DYNC1H1: variants seen among roughly 807,000 people sequenced by gnomAD.
DYNC1H1 encodes cytoplasmic dynein 1 heavy chain 1.
Under a neutral mutation model 527.1 loss-of-function variants are expected in DYNC1H1, and 51 were observed. That is an observed-to-expected ratio of 0.10 (90% CI 0.08 to 0.12). The LOEUF is 0.12. Ranked by LOEUF, DYNC1H1 falls within the 10% of genes least tolerant of loss-of-function variation. The probability of loss-of-function intolerance (pLI) is 1.00; values close to 1 mark genes in which losing one functional copy is unlikely to be tolerated. For synonymous variants in DYNC1H1, 2,189 were observed against 2,278.8 expected, an observed-to-expected ratio of 0.96 and a Z score of 1.12; for missense variants, 2,771 against 5,971.8, an observed-to-expected ratio of 0.46 and a Z score of 17.66.
At chr14:102,023,522 C>T (rs2048412851) in intron 43 of DYNC1H1, 1 of 163,084 alleles carries the variant, frequency 6.1e-6, no homozygotes, top group Non-Finnish European at 1.3e-5. Flanking sequence ...GCACTGCAGC[C>T]TCAGCAACAA....
At chr14:102,026,256 C>T (rs917661627) in intron 43 of DYNC1H1, among the ~76,000 whole-genome samples, 11 of 152,124 alleles carry the variant, frequency 7.2e-5, no homozygotes, top group African/African-American at 2.7e-4. Context: ...ACTGGGATTA[C>T]ATTGAACTTA....
rs952994047 is a variant in DYNC1H1 at position 102,053,751 on chromosome 14, G to GTTTTTTTTTTTT, written c.*3192_*3203dup. On this transcript the variant is annotated 3_prime_UTR_variant, in exon 78 of 78. Coordinates refer to ENST00000360184, the MANE Select transcript of DYNC1H1 (RefSeq NM_001376.5). Reference sequence around the variant, plus strand: ...GCCACCACACTCGGCCTCTTTGTTTGTTTTTTTTTTTTTTTGAGACAGTCT... The same window carrying GTTTTTTTTTTTT: ...GCCACCACACTCGGCCTCTTTGTTTGTTTTTTTTTTTTTTTTTTTTTTTTTTTGAGACAGTCT... 1.7e-5 allele frequency: 2 copies of GTTTTTTTTTTTT among 118,202 alleles called. No individual in the cohort carries two copies. Among genetic ancestry groups the GTTTTTTTTTTTT allele is most frequent in the African/African-American group, 6.9e-5 (2 of 29,016 alleles). 7.3% of individuals were successfully genotyped at this position (118,202 alleles called of 1,614,324 possible). A position where few individuals can be genotyped will look rare whatever the true frequency, so the allele number is the denominator to read the frequency against.
At position 101,986,665 on chromosome 14, in the gene DYNC1H1, G is replaced by T; in HGVS notation, c.2440G>T (p.Ala814Ser). The change falls in exon 8 of 78, where the codon GCC becomes TCC. Residue 814 changes from alanine (A) to serine (S), a missense_variant. Ala to Ser is a moderately conservative substitution (Grantham distance 99). Around this residue, in one of 32 missense-constraint regions of DYNC1H1, gnomAD observed 24 missense variants for 19.0 expected, o/e 1.26. Transcript: ENST00000360184. This position sits in a 1 kb window ranked among gnomAD's most constrained non-coding sequence, Gnocchi z 8.7. The stretch of plus-strand genomic sequence containing the variant: ...GGCTGGCTTGAAAAAGGAAGTGCAG[G>T]CCCTGATCGCAGAAGGCATTGCGTT... ...LVAGLKKEVQ[A>S]LIAEGIALVW... The T allele has an allele frequency of 1.9e-6, 3 of 1,613,942 alleles. No individual in the cohort carries two copies. Among genetic ancestry groups the T allele is most frequent in the Non-Finnish European group, 2.5e-6 (3 of 1,179,832 alleles).
chr14:101,997,305 C>A lies in DYNC1H1; in HGVS notation c.3804+31C>A, dbSNP rs369636480. ...TCCCGCCAGGTGGGGACGCAGGAGA[C>A]TCCTCACCCAGCAGTGTGATTTGGT... On this transcript the variant is annotated intron_variant, in intron 16 of 77. Transcript: ENST00000360184. The surrounding 1 kb of genome is among the most constrained non-coding windows in gnomAD (Gnocchi z 4.8). 3.2e-5 allele frequency: 51 copies of A among 1,613,790 alleles called. No homozygotes were observed. Among genetic ancestry groups the A allele is most frequent in the Non-Finnish European group, 4.1e-5 (48 of 1,179,990 alleles).
At chr14:102,030,049 G>A in intron 50 of DYNC1H1, 111 bp downstream of exon 50, 13 of 1,553,850 alleles carry the variant, frequency 8.4e-6, no homozygotes, top group Non-Finnish European at 1.1e-5. Context: ...AGGGAGGGAG[G>A]GAGAGAGAGT....
chr14:102,007,190 A>C, intron 28 of DYNC1H1, 82 bp downstream of exon 28: 2 of 1,441,290 alleles, frequency 1.4e-6, no homozygotes, highest in Non-Finnish European at 1.9e-6. Context: ...TACCTCTCTC[A>C]AAGCCATTGG....
Position 102,038,348 on chromosome 14 carries a change from C to T in DYNC1H1, c.10909-112C>T, listed in dbSNP as rs1156673407. Reference sequence around the variant, plus strand: ...GCTAGTGGCCACCACACGCAAGTGGCGGGTGGCTTTTGGGAAGGTATGCTT... The same window carrying T: ...GCTAGTGGCCACCACACGCAAGTGGTGGGTGGCTTTTGGGAAGGTATGCTT... On this transcript the variant is annotated intron_variant, in intron 57 of 77. Transcript: ENST00000360184. This position sits in a 1 kb window ranked among gnomAD's most constrained non-coding sequence, Gnocchi z 7.2. 1.3e-5 allele frequency: 20 copies of T among 1,515,016 alleles called. No individual in the cohort carries two copies. The highest frequency in any genetic ancestry group is 2.4e-5 in the South Asian group (2 of 84,176). 93.8% of individuals were successfully genotyped at this position (1,515,016 alleles called of 1,614,324 possible). A position where few individuals can be genotyped will look rare whatever the true frequency, so the allele number is the denominator to read the frequency against.
In DYNC1H1 at chr14:102,055,658, G is replaced by A. The variant is rs1431390505; in HGVS notation, c.*5095G>A. The A allele has an allele frequency of 6.6e-6, 1 of 152,626 alleles. No individual in the cohort carries two copies. Among genetic ancestry groups the A allele is most frequent in the African/African-American group, 2.4e-5 (1 of 41,430 alleles). The allele number at this position is 152,626 out of a possible 1,614,324, so 9.5% of individuals were successfully genotyped here. On this transcript the variant is annotated 3_prime_UTR_variant, in exon 78 of 78. Coordinates refer to ENST00000360184, the MANE Select transcript of DYNC1H1 (RefSeq NM_001376.5). The stretch of plus-strand genomic sequence containing the variant: ...GGTTCTTCCGATTCCACCTGTCCAA[G>A]GTAAAACCCTGAGGTTGTCCCTCCT...
At chr14:101,981,857 A>G (rs183580552) in intron 5 of DYNC1H1, among the ~76,000 whole-genome samples, 19 of 152,354 alleles carry the variant, frequency 1.2e-4, no homozygotes, top group Admixed American at 3.9e-4. Context: ...AGTTAGTAAT[A>G]TGTTCACCTA....
chr14:102,010,679 GA>G lies in DYNC1H1; in HGVS notation c.6406-60del. The G allele has an allele frequency of 6.2e-7, 1 of 1,601,220 alleles. No homozygotes were observed. The highest frequency in any genetic ancestry group is 8.5e-7 in the Non-Finnish European group (1 of 1,170,796). On this transcript the variant is annotated intron_variant, in intron 31 of 77. Coordinates refer to ENST00000360184, the MANE Select transcript of DYNC1H1 (RefSeq NM_001376.5). This position sits in a 1 kb window ranked among gnomAD's most constrained non-coding sequence, Gnocchi z 6.0. ...AGTTACTGATCACGCACCTCCTGGG[GA>G]TGCAGCGGGCAGTACTTGAGCCATG...
intron 28 of DYNC1H1, 135 bp downstream of exon 28, chr14:102,007,243 A>AG (rs1289233012): frequency 2.4e-6 from 2 of 819,258 alleles, no homozygotes; most frequent in Non-Finnish European, 4.1e-6. Context: ...TGAGTCCTGT[A>AG]GTAGGGATAG....
chr14:101,978,471 C>A (rs962242945), intron 2 of DYNC1H1, among the ~76,000 whole-genome samples: 19 of 152,024 alleles, frequency 1.2e-4, no homozygotes, highest in African/African-American at 4.6e-4. Context: ...CCATGCCTGG[C>A]GTATGAAGTA....
chr14:102,042,486 C>T lies in DYNC1H1; in HGVS notation c.12378C>T (p.Leu4126=), dbSNP rs1162360500. ...CGCATGCCTGCTTCCGACTCTTCCT[C>T]ACCATGGAGATCAACCCCAAGGTGG... ...LQPHACFRLF[L]TMEINPKVPV... Residue 4126 remains leucine, a synonymous_variant, in exon 68 of 78, where the codon CTC becomes CTT. Coordinates refer to ENST00000360184, the MANE Select transcript of DYNC1H1 (RefSeq NM_001376.5). This position sits in a 1 kb window ranked among gnomAD's most constrained non-coding sequence, Gnocchi z 5.7. 1.9e-6 allele frequency: 3 copies of T among 1,614,030 alleles called. No individual in the cohort carries two copies. The highest frequency in any genetic ancestry group is 2.5e-6 in the Non-Finnish European group (3 of 1,180,038).
rs150172431 is a variant in DYNC1H1, at chr14:102,047,947, A to T, written c.13137A>T (p.Thr4379=). Reference sequence around the variant, plus strand: ...ACGGGCGCCCTGCCTGGATGCGGACACTGCACACCACCGCGTCCAACTGGC... The same window carrying T: ...ACGGGCGCCCTGCCTGGATGCGGACTCTGCACACCACCGCGTCCAACTGGC... ...TSDGRPAWMR[T]LHTTASNWLH... Residue 4379 remains threonine (T), a synonymous_variant, in exon 73 of 78, where the codon ACA becomes ACT. Transcript: ENST00000360184. 20 of 1,613,184 alleles carry T rather than the reference A, an allele frequency of 1.2e-5. No homozygotes were observed. The highest frequency in any genetic ancestry group is 1.7e-5 in the Non-Finnish European group (20 of 1,180,006).
rs902073973 is a variant in DYNC1H1 at position 102,016,677 on chromosome 14, T to G, written c.7615-89T>G. 1.9e-6 allele frequency: 3 copies of G among 1,548,886 alleles called. No individual in the cohort carries two copies. In the African/African-American group the frequency reaches 4.1e-5, roughly 21 times the overall value. On this transcript the variant is annotated intron_variant, in intron 37 of 77. Coordinates refer to ENST00000360184, the MANE Select transcript of DYNC1H1 (RefSeq NM_001376.5). The surrounding 1 kb of genome is among the most constrained non-coding windows in gnomAD (Gnocchi z 7.3). ...AACCTGACCAATTACTTCCTTGTTC[T>G]GAAAGTTCAAGTTTGTGTTCAGGTA...
In DYNC1H1 at chr14:102,010,428, G is replaced by A; in HGVS notation, c.6374G>A (p.Gly2125Glu). ...KEERGEAVDEGEIAENLPEQE... is the reference protein window; with the variant it reads ...KEERGEAVDEEEIAENLPEQE... ...GAACGAGGGGAAGCAGTTGATGAAG[G>A]AGAAATTGCTGAAAATCTCCCTGAA... Residue 2125 changes from glycine to glutamate, a missense_variant, in exon 31 of 78, where the codon GGA (glycine) becomes GAA (glutamate). Around this residue, in one of 32 missense-constraint regions of DYNC1H1, gnomAD observed 56 missense variants for 140.6 expected, o/e 0.40. Coordinates refer to ENST00000360184, the MANE Select transcript of DYNC1H1 (RefSeq NM_001376.5). The surrounding 1 kb of genome is among the most constrained non-coding windows in gnomAD (Gnocchi z 6.0). 1 of 1,614,122 alleles carries A rather than the reference G, an allele frequency of 6.2e-7. No homozygotes were observed. The highest frequency in any genetic ancestry group is 8.5e-7 in the Non-Finnish European group (1 of 1,179,992).
At chr14:102,040,498 ATGT>A in intron 63 of DYNC1H1, 88 bp downstream of exon 63, 2 of 1,612,568 alleles carry the variant, frequency 1.2e-6, no homozygotes, top group Non-Finnish European at 1.7e-6. Context: ...AAAACCCAGA[ATGT>A]TGTGTCTGCG....
chr14:102,050,776 T>TA lies in DYNC1H1; in HGVS notation c.*217dup, dbSNP rs1236719743. The TA allele has an allele frequency of 3.3e-5, 22 of 657,046 alleles. No individual in the cohort carries two copies. The African/African-American group carries it at 3.6e-4, about 11-fold the overall frequency. The allele number at this position is 657,046 out of a possible 1,614,324, so 40.7% of individuals were successfully genotyped here. On this transcript the variant is annotated 3_prime_UTR_variant, in exon 78 of 78. Coordinates refer to ENST00000360184, the MANE Select transcript of DYNC1H1 (RefSeq NM_001376.5). ...CAATGGCGTGGCTCCTTTGAGGAAA[T>TA]AAAACACTAAGCATGAGCCGGCTCC...
rs2048543190 is a variant in DYNC1H1, at chr14:102,034,147, T to C, written c.10585T>C (p.Phe3529Leu). Residue 3529 changes from phenylalanine to leucine, a missense_variant, in exon 55 of 78, where the codon TTC becomes CTC. By Grantham distance (22) the Phe-to-Leu change is conservative. This residue lies in a region of DYNC1H1 where 283 missense variants were observed against 737.6 expected (regional missense o/e 0.38). Transcript: ENST00000360184. ...YFDQQMRQNLFTTWSHHLQQA... is the reference protein window; with the variant it reads ...YFDQQMRQNLLTTWSHHLQQA... ...TGACCAGCAGATGCGTCAGAACTTG[T>C]TCACTACCTGGTCCCATCACCTACA... 6.2e-7 allele frequency: 1 copy of C among 1,614,042 alleles called. No individual in the cohort carries two copies. The highest frequency in any genetic ancestry group is 8.5e-7 in the Non-Finnish European group (1 of 1,180,052).
Sources: gnomAD v4.1 joint callset for allele counts (sites outside exome capture counted in the v4.1 genomes callset) on GRCh38, gnomAD v4.1.1 for gene constraint, gnomAD v4.1.1 regional missense constraint, Gnocchi (gnomAD v3.1) non-coding constraint, MANE v1.5 for transcripts, NCBI Gene and HGNC (gene_info 2026-07-23, HGNC 2026-07-21) for gene names.